CLSTN2: variants seen among roughly 807,000 people sequenced by gnomAD.
CLSTN2 encodes calsyntenin-2.
In CLSTN2, 48 loss-of-function variants were observed where a neutral mutation model predicts 101.2. That is an observed-to-expected ratio of 0.47 (90% confidence interval 0.38 to 0.60). The LOEUF (loss-of-function observed/expected upper bound fraction) is 0.60. Ranked by LOEUF, CLSTN2 falls within the 20% of genes least tolerant of loss-of-function variation. The pLI, the probability that CLSTN2 is intolerant of heterozygous loss-of-function variation, is 0.00. For missense variants in CLSTN2, 1,160 were observed against 1,238.2 expected (o/e 0.94, Z 0.95); for synonymous variants, 481 against 463.6 (o/e 1.04, Z -0.48).
intron 2 of CLSTN2, among the ~76,000 whole-genome samples, chr3:140,227,545 G>A (rs894339702): frequency 1.1e-4 from 17 of 152,296 alleles, no homozygotes; most frequent in African/African-American, 4.1e-4. Context: ...GGGGTTGGGA[G>A]GATAGTGGCC....
At chr3:140,231,492 G>A (rs1266280973) in intron 2 of CLSTN2, among the ~76,000 whole-genome samples, 3 of 152,160 alleles carry the variant, frequency 2.0e-5, no homozygotes, top group Non-Finnish European at 4.4e-5. Context: ...GTCAAGGCAA[G>A]TCTAAAATAT....
chr3:140,406,088 A>C (rs1199020735), intron 4 of CLSTN2, among the ~76,000 whole-genome samples: 3 of 152,352 alleles, frequency 2.0e-5, no homozygotes, highest in Non-Finnish European at 4.4e-5. Context: ...AAAGAATGCC[A>C]TGAACCAGGG....
intron 13 of CLSTN2, 129 bp from the exon 14 acceptor site, chr3:140,562,682 C>T (rs1935942582): frequency 2.0e-6 from 2 of 975,870 alleles, no homozygotes; most frequent in Admixed American, 5.0e-5. Flanking sequence ...CCCAAAATAT[C>T]TTGAGCTCTT....
chr3:140,143,366 G>T (rs1350881151), intron 1 of CLSTN2, among the ~76,000 whole-genome samples: 1 of 152,166 alleles, frequency 6.6e-6, no homozygotes, highest in Admixed American at 6.6e-5. Flanking sequence ...CGGGGTCTAA[G>T]GGCAGGAGAA....
At chr3:140,133,126 C>A (rs57361533) in intron 1 of CLSTN2, among the ~76,000 whole-genome samples, 270 of 152,222 alleles carry the variant, frequency 1.8e-3, no homozygotes, top group African/African-American at 6.4e-3. Flanking sequence ...TAGCAGAAGT[C>A]GAAGTGGGTG....
At chr3:140,484,250 TG>T (rs1182601145) in intron 8 of CLSTN2, among the ~76,000 whole-genome samples, 1 of 152,230 alleles carries the variant, frequency 6.6e-6, no homozygotes, top group Non-Finnish European at 1.5e-5. Flanking sequence ...TATGAAATTC[TG>T]GGTTGAAAAT....
Position 140,009,444 on chromosome 3 carries a change from T to C in CLSTN2, c.109+73961T>C, listed in dbSNP as rs376517689. Among the ~76,000 whole-genome samples the C allele has an allele frequency of 1.4e-4, 22 of 152,302 alleles. 1 individual carries two copies. The East Asian group carries it at 1.7e-3, about 12-fold the overall frequency. ...ACCCAGAAATAATGAATGTGAGTGT[T>C]TTATTTGGTATTAATCTGTTCAGAT... On this transcript the variant is annotated intron_variant, in intron 1 of 16. Coordinates refer to ENST00000458420, the MANE Select transcript of CLSTN2 (RefSeq NM_022131.3).
intron 1 of CLSTN2, among the ~76,000 whole-genome samples, chr3:139,953,538 A>G (rs192538226): frequency 6.6e-6 from 1 of 152,064 alleles, no homozygotes; most frequent in East Asian, 1.9e-4. Context: ...TGGCCCCTAG[A>G]CCCCTCTGTG....
At chr3:140,294,781 C>T (rs2107905857) in intron 2 of CLSTN2, among the ~76,000 whole-genome samples, 1 of 152,154 alleles carries the variant, frequency 6.6e-6, no homozygotes. Flanking sequence ...ATTCATTTCT[C>T]ACAGCCCTGG....
chr3:140,407,987 A>G (rs1192094166), intron 4 of CLSTN2, among the ~76,000 whole-genome samples: 1 of 152,192 alleles, frequency 6.6e-6, no homozygotes, highest in Non-Finnish European at 1.5e-5. Flanking sequence ...AGAGAAGGAG[A>G]TCCCAGCCTT....
At chr3:140,179,754 A>C (rs1255442676) in intron 2 of CLSTN2, among the ~76,000 whole-genome samples, 1 of 151,300 alleles carries the variant, frequency 6.6e-6, no homozygotes, top group Non-Finnish European at 1.5e-5. Flanking sequence ...TTAAATGACT[A>C]CATGATTTCC....
At chr3:140,043,950 AG>A (rs2107765011) in intron 1 of CLSTN2, among the ~76,000 whole-genome samples, 1 of 152,324 alleles carries the variant, frequency 6.6e-6, no homozygotes, top group Non-Finnish European at 1.5e-5. Context: ...GTTTGAAGTC[AG>A]GTAGCGTGAT....
At chr3:140,251,049 T>C (rs2086559610) in intron 2 of CLSTN2, among the ~76,000 whole-genome samples, 1 of 152,212 alleles carries the variant, frequency 6.6e-6, no homozygotes, top group African/African-American at 2.4e-5. Flanking sequence ...CAAGCATATG[T>C]TGGCCGCCCA....
intron 5 of CLSTN2, among the ~76,000 whole-genome samples, chr3:140,437,656 C>G (rs1224942972): frequency 2.6e-5 from 4 of 152,230 alleles, no homozygotes; most frequent in African/African-American, 9.6e-5. Flanking sequence ...CAGGTGGGCA[C>G]CCCCAGGCAA....
rs1985664261 is a variant in CLSTN2, at chr3:140,574,355, AT to A, written c.*8103del. 1 of 152,228 alleles carries A rather than the reference AT, an allele frequency of 6.6e-6. No individual in the cohort carries two copies. The highest frequency in any genetic ancestry group is 2.4e-5 in the African/African-American group (1 of 41,442). The allele number at this position is 152,228 out of a possible 1,614,324, so 9.4% of individuals were successfully genotyped here. A position where few individuals can be genotyped will look rare whatever the true frequency, so the allele number is the denominator to read the frequency against. On this transcript the variant is annotated 3_prime_UTR_variant, in exon 17 of 17. Transcript: ENST00000458420. Reference sequence around the variant, plus strand: ...ACCCCTTCCTAGCTATAGTCAGTAAATGGAGCCCCTAAGCAAGGAGCAGGGG... The same window carrying A: ...ACCCCTTCCTAGCTATAGTCAGTAAAGGAGCCCCTAAGCAAGGAGCAGGGG...
At chr3:140,494,467 A>C (rs1934419718) in intron 8 of CLSTN2, among the ~76,000 whole-genome samples, 3 of 152,170 alleles carry the variant, frequency 2.0e-5, no homozygotes. Context: ...TTGACCTTCA[A>C]CTTTTAACTT....
chr3:140,531,063 T>C (rs991125483), intron 8 of CLSTN2, among the ~76,000 whole-genome samples: 2 of 152,012 alleles, frequency 1.3e-5, no homozygotes, highest in Non-Finnish European at 2.9e-5. Flanking sequence ...TGTCTTGGGG[T>C]CACCCCACCC....
chr3:139,969,645 G>A (rs1481488936), intron 1 of CLSTN2, among the ~76,000 whole-genome samples: 1 of 152,184 alleles, frequency 6.6e-6, no homozygotes, highest in African/African-American at 2.4e-5. Context: ...CCAACTGCGT[G>A]AGTGTCTTCA....
Position 140,466,698 on chromosome 3 carries a change from T to G in CLSTN2, c.1311T>G (p.Phe437Leu). Residue 437 changes from phenylalanine (F) to leucine (L), a missense_variant, in exon 8 of 17, where the codon TTT becomes TTG. Physicochemically the swap from Phe to Leu is conservative, Grantham distance 22. Coordinates refer to ENST00000458420, the MANE Select transcript of CLSTN2 (RefSeq NM_022131.3). ...LRKDFDQADT[F>L]RPAEFHWKLD... Reference sequence around the variant, plus strand: ...AGGACTTCGACCAGGCTGACACCTTTCGCCCCGCGGAGTTCCACTGGAAGC... The same window carrying G: ...AGGACTTCGACCAGGCTGACACCTTGCGCCCCGCGGAGTTCCACTGGAAGC... 1 of 1,614,108 alleles carries G rather than the reference T, an allele frequency of 6.2e-7. No homozygotes were observed. Among genetic ancestry groups the G allele is most frequent in the South Asian group, 1.1e-5 (1 of 91,076 alleles).
Sources: gnomAD v4.1 joint callset for allele counts (sites outside exome capture counted in the v4.1 genomes callset) on GRCh38, gnomAD v4.1.1 for gene constraint, MANE v1.5 for transcripts, NCBI Gene and HGNC (gene_info 2026-07-23, HGNC 2026-07-21) for gene names.